GRK5: variants seen among roughly 807,000 people sequenced by gnomAD.
GRK5 encodes g protein-coupled receptor kinase GRK5.
A neutral mutation model predicts 78.4 loss-of-function variants in GRK5; 40 were observed. The observed-to-expected ratio is 0.51, with a 90% CI of 0.40 to 0.66. The LOEUF (loss-of-function observed/expected upper bound fraction) is 0.66. Among genes scored for constraint, GRK5 ranks in the 30% least tolerant of loss-of-function variants. The pLI is 0.00. For synonymous variants in GRK5, 289 were observed against 296.8 expected, an observed-to-expected ratio of 0.97 and a Z score of 0.27; for missense variants, 598 against 759.9, an observed-to-expected ratio of 0.79 and a Z score of 2.50.
At chr10:119,427,139 A>G (rs1337958237) in intron 6 of GRK5, among the ~76,000 whole-genome samples, 1 of 151,190 alleles carries the variant, frequency 6.6e-6, no homozygotes, top group Non-Finnish European at 1.5e-5. Flanking sequence ...CATCATCAGC[A>G]TCACTGCTGT....
At position 119,456,214 on chromosome 10, in the gene GRK5, T is replaced by C. The variant is rs1272647522; in HGVS notation, c.*1147T>C. ...ACAGCCCCATCAATGTGCTGGCCCATGTGGCATGGATGGGGTAGTCTCTCT... is the reference window on the plus strand; with the variant it reads ...ACAGCCCCATCAATGTGCTGGCCCACGTGGCATGGATGGGGTAGTCTCTCT... On this transcript the variant is annotated 3_prime_UTR_variant, in exon 16 of 16. Transcript: ENST00000392870. The surrounding 1 kb of genome is among the most constrained non-coding windows in gnomAD (Gnocchi z 5.5). 3 of 152,154 alleles carry C rather than the reference T, an allele frequency of 2.0e-5. No individual in the cohort carries two copies. The highest frequency in any genetic ancestry group is 3.9e-4 in the East Asian group (2 of 5,184). 9.4% of individuals were successfully genotyped at this position (152,154 alleles called of 1,614,324 possible).
chr10:119,422,711 C>T (rs968697502), intron 4 of GRK5, among the ~76,000 whole-genome samples: 1 of 152,260 alleles, frequency 6.6e-6, no homozygotes, highest in African/African-American at 2.4e-5. Flanking sequence ...AGGGGCGTCA[C>T]CAAGCCTGCT....
At chr10:119,309,024 G>A (rs187053269) in intron 1 of GRK5, among the ~76,000 whole-genome samples, 88 of 152,336 alleles carry the variant, frequency 5.8e-4, no homozygotes, top group Non-Finnish European at 1.2e-3. Context: ...TGGGAGGGCT[G>A]GTGCCCAGGG....
chr10:119,242,482 A>C (rs1849041979), intron 1 of GRK5, among the ~76,000 whole-genome samples: 1 of 150,714 alleles, frequency 6.6e-6, no homozygotes, highest in Non-Finnish European at 1.5e-5. Context: ...ACTGGCTGAC[A>C]GTGCTCTCCT....
intron 2 of GRK5, among the ~76,000 whole-genome samples, chr10:119,349,108 C>G (rs991483692): frequency 6.6e-6 from 1 of 152,180 alleles, no homozygotes; most frequent in Non-Finnish European, 1.5e-5. Context: ...AGGTTAAACA[C>G]TGTGGATTTG....
chr10:119,277,294 T>A (rs1281820003), intron 1 of GRK5, among the ~76,000 whole-genome samples: 1 of 152,138 alleles, frequency 6.6e-6, no homozygotes, highest in Non-Finnish European at 1.5e-5. Context: ...CTGCGTGAAC[T>A]TCTTGCTTCC....
intron 1 of GRK5, among the ~76,000 whole-genome samples, chr10:119,316,013 C>T (rs753216979): frequency 7.9e-5 from 12 of 152,206 alleles, no homozygotes; most frequent in Non-Finnish European, 1.6e-4. Context: ...GTCCTGGGGT[C>T]TCTGTAACCT....
intron 3 of GRK5, among the ~76,000 whole-genome samples, chr10:119,392,661 C>A (rs999377964): frequency 1.3e-5 from 2 of 152,106 alleles, no homozygotes; most frequent in Admixed American, 6.5e-5. Flanking sequence ...GCCTCGGCCT[C>A]CCAAAGTGCT....
At chr10:119,302,873 C>G (rs1850207634) in intron 1 of GRK5, among the ~76,000 whole-genome samples, 1 of 152,210 alleles carries the variant, frequency 6.6e-6, no homozygotes, top group African/African-American at 2.4e-5. Flanking sequence ...ACATCACCCT[C>G]TGCCCTACTG....
Position 119,431,318 on chromosome 10 carries a change from C to A in GRK5, c.598-69C>A. 5.2e-6 allele frequency: 8 copies of A among 1,535,404 alleles called. No homozygotes were observed. Among genetic ancestry groups the A allele is most frequent in the Non-Finnish European group, 7.0e-6 (8 of 1,141,270 alleles). On this transcript the variant is annotated intron_variant, in intron 7 of 15. Transcript: ENST00000392870. The surrounding 1 kb of genome is among the most constrained non-coding windows in gnomAD (Gnocchi z 4.8). ...CTCTACCTGGGAGGCCTGTGGTCCC[C>A]GCCCTGGAGGAGCTCGGGGCAGGCC...
At chr10:119,296,530 C>CA (rs1850084439) in intron 1 of GRK5, among the ~76,000 whole-genome samples, 1 of 152,122 alleles carries the variant, frequency 6.6e-6, no homozygotes, top group Admixed American at 6.5e-5. Context: ...CTGGGGAGGG[C>CA]AGGCAGGGGT....
At chr10:119,313,212 G>A (rs1286931840) in intron 1 of GRK5, among the ~76,000 whole-genome samples, 18 of 148,334 alleles carry the variant, frequency 1.2e-4, no homozygotes, top group East Asian at 2.4e-4. Context: ...AATGGTAGTG[G>A]TGGTGGTGAC....
At chr10:119,304,985 C>T (rs1241245027) in intron 1 of GRK5, among the ~76,000 whole-genome samples, 1 of 151,996 alleles carries the variant, frequency 6.6e-6, no homozygotes, top group East Asian at 1.9e-4. Flanking sequence ...TTCCCTCTCT[C>T]CTCTCCCACC....
In GRK5 at chr10:119,372,600, A is replaced by G. The variant is rs528604323; in HGVS notation, c.149-8215A>G. 4.6e-4 allele frequency among the ~76,000 whole-genome samples: 70 copies of G among 152,296 alleles called. No individual in the cohort carries two copies. In the South Asian group the frequency reaches 8.5e-3, roughly 18 times the overall value. On this transcript the variant is annotated intron_variant, in intron 2 of 15. Transcript: ENST00000392870. Reference sequence around the variant, plus strand: ...TATGTGACTGAAAAGTCCAGGGGTAAATCTCATAGCTTCAGGTATGGCTGG... The same window carrying G: ...TATGTGACTGAAAAGTCCAGGGGTAGATCTCATAGCTTCAGGTATGGCTGG...
chr10:119,388,581 C>G (rs1851836927), intron 3 of GRK5, among the ~76,000 whole-genome samples: 1 of 152,248 alleles, frequency 6.6e-6, no homozygotes, highest in East Asian at 1.9e-4. Context: ...AAGTGATCTG[C>G]CTGTCTTGGC....
chr10:119,421,482 C>G (rs1311618717), intron 4 of GRK5, among the ~76,000 whole-genome samples: 1 of 152,222 alleles, frequency 6.6e-6, no homozygotes, highest in East Asian at 1.9e-4. Context: ...AGCTCAGGCT[C>G]CTGGCTCTTG....
At position 119,237,465 on chromosome 10, in the gene GRK5, A is replaced by G. The variant is rs529206623; in HGVS notation, c.52+29496A>G. Among the ~76,000 whole-genome samples the G allele has an allele frequency of 4.6e-5, 7 of 152,336 alleles. 1 individual carries two copies. The South Asian group carries it at 1.2e-3, about 27-fold the overall frequency. ...AGGACTGACTTAAAACATAATTTCA[A>G]TAGGCACTGATTTTGTCATTTAATG... On this transcript the variant is annotated intron_variant, in intron 1 of 15. Coordinates refer to ENST00000392870, the MANE Select transcript of GRK5 (RefSeq NM_005308.3).
intron 1 of GRK5, among the ~76,000 whole-genome samples, chr10:119,274,739 A>C (rs145585202): frequency 6.6e-6 from 1 of 152,108 alleles, no homozygotes; most frequent in Non-Finnish European, 1.5e-5. Flanking sequence ...CTGTCCCCTT[A>C]GCTGAGGGGC....
At chr10:119,427,900 G>A (rs544006492) in intron 6 of GRK5, among the ~76,000 whole-genome samples, 2 of 146,284 alleles carry the variant, frequency 1.4e-5, no homozygotes, top group East Asian at 2.0e-4. Context: ...GCTATCATCA[G>A]TATCATCGCC....
Sources: gnomAD v4.1 joint callset for allele counts (sites outside exome capture counted in the v4.1 genomes callset) on GRCh38, gnomAD v4.1.1 for gene constraint, Gnocchi (gnomAD v3.1) non-coding constraint, MANE v1.5 for transcripts, NCBI Gene and HGNC (gene_info 2026-07-23, HGNC 2026-07-21) for gene names.